Variants in PRRG1 observed in about 807,000 individuals in gnomAD.
PRRG1 encodes proline rich and Gla domain 1.
Under a neutral mutation model 11.8 loss-of-function variants are expected in PRRG1, and 5 were observed. The ratio of observed to expected loss-of-function variants is 0.42; its 90% CI spans 0.22 to 0.89. PRRG1 has a LOEUF of 0.89. PRRG1 is among the 40% of genes least tolerant of loss of function. The probability of loss-of-function intolerance (pLI) is 0.28; values close to 1 mark genes in which losing one functional copy is unlikely to be tolerated. For synonymous variants in PRRG1, 66 were observed against 60.4 expected (o/e 1.09, Z -0.43); for missense variants, 155 against 166.1 (o/e 0.93, Z 0.37).
chrX:37,390,785 C>T (rs1161861521), intron 1 of PRRG1, among the ~76,000 whole-genome samples: 2 of 112,119 alleles, frequency 1.8e-5, no homozygotes, highest in Non-Finnish European at 3.8e-5. Context: ...GCTAAAGCCT[C>T]AGGCATGGAT....
intron 1 of PRRG1, among the ~76,000 whole-genome samples, chrX:37,398,682 C>T (rs1332550081): frequency 1.8e-5 from 2 of 112,035 alleles, no homozygotes; most frequent in African/African-American, 3.2e-5. Context: ...CAAACTCCTC[C>T]GAGCTACAGA....
At chrX:37,367,323 T>C (rs1228809471) in intron 1 of PRRG1, among the ~76,000 whole-genome samples, 1 of 112,630 alleles carries the variant, frequency 8.9e-6, no homozygotes, top group Non-Finnish European at 1.9e-5. Flanking sequence ...TTATTATATT[T>C]AGTTCAAAAT....
chrX:37,364,978 C>CTT (rs1930524220), intron 1 of PRRG1, among the ~76,000 whole-genome samples: 1 of 111,835 alleles, frequency 8.9e-6, no homozygotes, highest in African/African-American at 3.2e-5. Flanking sequence ...TTAAATAGAA[C>CTT]TTTGTGAGGC....
intron 3 of PRRG1, among the ~76,000 whole-genome samples, chrX:37,439,793 C>CTTTTTT (rs36010783): frequency 6.8e-5 from 5 of 73,993 alleles, no homozygotes; most frequent in Admixed American, 1.6e-4. Flanking sequence ...CTTTAAAATT[C>CTTTTTT]TTTTTTTTTT....
chrX:37,366,456 G>A (rs1930574436), intron 1 of PRRG1, among the ~76,000 whole-genome samples: 1 of 112,032 alleles, frequency 8.9e-6, no homozygotes, highest in Non-Finnish European at 1.9e-5. Context: ...TTTGTTATCT[G>A]TATCTTCTAG....
intron 1 of PRRG1, among the ~76,000 whole-genome samples, chrX:37,394,567 A>G (rs1556377600): frequency 8.9e-6 from 1 of 112,047 alleles, no homozygotes; most frequent in African/African-American, 3.2e-5. Context: ...GCTAAAAAGT[A>G]AAGTCAACAT....
At chrX:37,436,212 TC>T (rs1556391954) in intron 3 of PRRG1, among the ~76,000 whole-genome samples, 1 of 111,476 alleles carries the variant, frequency 9.0e-6, no homozygotes, top group African/African-American at 3.3e-5. Flanking sequence ...TCTGGGTGCA[TC>T]ATCCCAAGTC....
chrX:37,420,208 G>A (rs1556386482), intron 2 of PRRG1, among the ~76,000 whole-genome samples: 1 of 111,139 alleles, frequency 9.0e-6, no homozygotes, highest in East Asian at 2.8e-4. Flanking sequence ...TTCTTCACAT[G>A]GCTATTTGTT....
chrX:37,357,913 G>A (rs997478436), intron 1 of PRRG1, among the ~76,000 whole-genome samples: 1 of 112,385 alleles, frequency 8.9e-6, no homozygotes, highest in African/African-American at 3.2e-5. Flanking sequence ...AGCATTTGGT[G>A]TTGTCAGTGT....
intron 3 of PRRG1, among the ~76,000 whole-genome samples, chrX:37,438,318 A>G (rs1288375681): frequency 9.0e-6 from 1 of 110,744 alleles, no homozygotes; most frequent in Non-Finnish European, 1.9e-5. Flanking sequence ...CCAATTAAAC[A>G]TCATATTTCA....
intron 1 of PRRG1, among the ~76,000 whole-genome samples, chrX:37,370,744 G>A (rs1479357382): frequency 1.8e-5 from 2 of 111,857 alleles, no homozygotes; most frequent in Non-Finnish European, 3.8e-5. Flanking sequence ...GTCTGGGAAG[G>A]CCCCCCATGC....
chrX:37,367,553 A>G (rs1930614639), intron 1 of PRRG1, among the ~76,000 whole-genome samples: 1 of 110,746 alleles, frequency 9.0e-6, no homozygotes, highest in Non-Finnish European at 1.9e-5. Flanking sequence ...TGGGAATGTG[A>G]CCCTTTGGAT....
rs542194109 is a variant in PRRG1 at position 37,376,551 on chromosome X, G to GTA, written c.-42+27176_-42+27177dup. Among the ~76,000 whole-genome samples, 42 of 26,920 alleles carry GTA rather than the reference G, an allele frequency of 1.6e-3. 6 individuals are homozygous for GTA. Among genetic ancestry groups the GTA allele is most frequent in the East Asian group, 0.015 (8 of 525 alleles). The allele number at this position is 26,920 out of a possible 115,157, so 23.4% of individuals were successfully genotyped here. A position where few individuals can be genotyped will look rare whatever the true frequency, so the allele number is the denominator to read the frequency against. The stretch of plus-strand genomic sequence containing the variant: ...TCAGTGTTTAGTCAGAAATGTGAGT[G>GTA]TATATATATATATATATATATGTGC... On this transcript the variant is annotated intron_variant, in intron 1 of 3. Transcript: ENST00000378628.
intron 3 of PRRG1, among the ~76,000 whole-genome samples, chrX:37,450,872 G>A (rs1401505651): frequency 8.9e-6 from 1 of 112,262 alleles, no homozygotes; most frequent in African/African-American, 3.2e-5. Flanking sequence ...GTGCAACTGT[G>A]ATTGGCAAGT....
chrX:37,421,584 G>GC (rs1159506721), intron 2 of PRRG1, among the ~76,000 whole-genome samples: 2 of 111,894 alleles, frequency 1.8e-5, no homozygotes, highest in Non-Finnish European at 3.8e-5. Flanking sequence ...CCTGGAAATT[G>GC]CCCCATGTTT....
At chrX:37,434,844 G>C (rs1194068885) in intron 3 of PRRG1, among the ~76,000 whole-genome samples, 1 of 111,288 alleles carries the variant, frequency 9.0e-6, no homozygotes, top group East Asian at 2.8e-4. Context: ...CTACATTTTG[G>C]AGCTGTTAAT....
At chrX:37,363,362 A>G (rs782159613) in intron 1 of PRRG1, among the ~76,000 whole-genome samples, 3 of 112,385 alleles carry the variant, frequency 2.7e-5, no homozygotes, top group African/African-American at 9.7e-5. Flanking sequence ...TTGAGGATTT[A>G]CTATGCATGC....
At chrX:37,350,258 C>T (rs1930017825) in intron 1 of PRRG1, among the ~76,000 whole-genome samples, 1 of 111,812 alleles carries the variant, frequency 8.9e-6, no homozygotes, top group African/African-American at 3.3e-5. Flanking sequence ...GTATTTTCTA[C>T]GAGTCCCTTT....
chrX:37,403,484 TG>T (rs1257846377), intron 1 of PRRG1, among the ~76,000 whole-genome samples: 1 of 25,523 alleles, frequency 3.9e-5, no homozygotes, highest in Non-Finnish European at 6.3e-5. Context: ...TGTTGTGGGG[TG>T]GGGGGAGGGG....
Sources: gnomAD v4.1 joint callset for allele counts (sites outside exome capture counted in the v4.1 genomes callset) on GRCh38, gnomAD v4.1.1 for gene constraint, MANE v1.5 for transcripts, NCBI Gene and HGNC (gene_info 2026-07-23, HGNC 2026-07-21) for gene names.